The following ANO2 variants were observed in gnomAD, a reference collection of about 807,000 sequenced individuals.
ANO2 encodes the protein anoctamin-2.
Under a neutral mutation model 124.2 loss-of-function variants are expected in ANO2, and 101 were observed. The ratio of observed to expected loss-of-function variants is 0.81; its 90% CI spans 0.69 to 0.96. The LOEUF is 0.96. Ranked by LOEUF, ANO2 falls within the 40% of genes least tolerant of loss-of-function variation. The pLI is 0.00. For missense variants in ANO2, 1,293 were observed against 1,274.5 expected, an observed-to-expected ratio of 1.01 and a Z score of -0.22; for synonymous variants, 486 against 482.5, an observed-to-expected ratio of 1.01 and a Z score of -0.09.
At chr12:5,852,319 A>G (rs1954937179) in intron 4 of ANO2, among the ~76,000 whole-genome samples, 1 of 152,202 alleles carries the variant, frequency 6.6e-6, no homozygotes, top group South Asian at 2.1e-4. Flanking sequence ...ATTGAAGGGG[A>G]AAGACACAGC....
In ANO2 at chr12:5,835,998, C is replaced by T. The variant is rs12313410; in HGVS notation, c.634-3395G>A. Among the ~76,000 whole-genome samples, 1,312 of 152,276 alleles carry T rather than the reference C, an allele frequency of 8.6e-3. 18 individuals are homozygous for T. The highest frequency in any genetic ancestry group is 0.029 in the African/African-American group (1,203 of 41,540). On this transcript the variant is annotated intron_variant, in intron 4 of 24. Coordinates refer to ENST00000682330, the MANE Select transcript of ANO2 (RefSeq NM_001364791.2). ...CACGTGTCTTTAAATGGCATGTGTG[C>T]GGTAATTAGTTTCAGAGTGGGAGGG... is the stretch of plus-strand genomic sequence containing the variant.
At chr12:5,814,856 T>C (rs1953553014) in intron 7 of ANO2, among the ~76,000 whole-genome samples, 1 of 152,236 alleles carries the variant, frequency 6.6e-6, no homozygotes. Context: ...TCAAGAAACC[T>C]AAGTTCTAAA....
At chr12:5,870,925 C>A (rs921232800) in intron 3 of ANO2, among the ~76,000 whole-genome samples, 35 of 152,200 alleles carry the variant, frequency 2.3e-4, no homozygotes, top group African/African-American at 8.2e-4. Context: ...AGTTTATATT[C>A]AATAGCATAT....
chr12:5,762,852 T>A (rs1262399339), intron 10 of ANO2, among the ~76,000 whole-genome samples: 1 of 152,020 alleles, frequency 6.6e-6, no homozygotes, highest in East Asian at 1.9e-4. Context: ...TCTTCGCCTT[T>A]TAAGTTAAAC....
chr12:5,880,625 G>A (rs1202053915), intron 3 of ANO2, among the ~76,000 whole-genome samples: 2 of 152,068 alleles, frequency 1.3e-5, no homozygotes, highest in East Asian at 3.9e-4. Context: ...TGTTTCAAAT[G>A]CAATAGAAAA....
At chr12:5,927,618 G>C (rs1375909400) in intron 1 of ANO2, among the ~76,000 whole-genome samples, 2 of 152,120 alleles carry the variant, frequency 1.3e-5, no homozygotes, top group Admixed American at 6.5e-5. Context: ...TTAACCTCTG[G>C]CTCTTTTGCT....
chr12:5,675,861 G>A (rs1366133046), intron 14 of ANO2, among the ~76,000 whole-genome samples: 3 of 152,184 alleles, frequency 2.0e-5, no homozygotes, highest in Non-Finnish European at 4.4e-5. Flanking sequence ...TCAGGGCCAC[G>A]GAGAGTGGGA....
At chr12:5,620,608 T>C (rs1565484499) in intron 16 of ANO2, among the ~76,000 whole-genome samples, 1 of 152,096 alleles carries the variant, frequency 6.6e-6, no homozygotes, top group African/African-American at 2.4e-5. Context: ...AGGAGTTGAA[T>C]TGGAATTCTA....
chr12:5,849,829 G>T (rs922448039), intron 4 of ANO2, among the ~76,000 whole-genome samples: 5 of 152,028 alleles, frequency 3.3e-5, no homozygotes, highest in African/African-American at 1.2e-4. Context: ...CGCTCCCCTC[G>T]CCGCCAGGAT....
At chr12:5,791,005 C>T (rs145267342) in intron 10 of ANO2, among the ~76,000 whole-genome samples, 11 of 152,302 alleles carry the variant, frequency 7.2e-5, no homozygotes, top group African/African-American at 2.6e-4. Flanking sequence ...CTAGTCCCAT[C>T]GCTGAGGCCC....
At chr12:5,683,456 A>T (rs1362311439) in intron 14 of ANO2, among the ~76,000 whole-genome samples, 3 of 152,100 alleles carry the variant, frequency 2.0e-5, no homozygotes, top group Non-Finnish European at 4.4e-5. Context: ...TAGACAAGTG[A>T]GTTAAAAAAC....
intron 3 of ANO2, among the ~76,000 whole-genome samples, chr12:5,901,151 G>GT (rs1940177152): frequency 6.6e-6 from 1 of 152,230 alleles, no homozygotes; most frequent in Admixed American, 6.5e-5. Flanking sequence ...CAGGCAGGAA[G>GT]TAACAATGAG....
intron 7 of ANO2, among the ~76,000 whole-genome samples, chr12:5,815,376 A>G (rs1953573835): frequency 6.6e-6 from 1 of 152,234 alleles, no homozygotes; most frequent in East Asian, 1.9e-4. Flanking sequence ...TAATGCTTTG[A>G]TAATTCTTGA....
intron 19 of ANO2, among the ~76,000 whole-genome samples, chr12:5,601,875 T>C (rs1313928355): frequency 6.6e-6 from 1 of 152,228 alleles, no homozygotes; most frequent in Admixed American, 6.5e-5. Flanking sequence ...GCTGTGTGAC[T>C]GGTATCAACT....
chr12:5,849,209 C>T (rs957768015), intron 4 of ANO2, among the ~76,000 whole-genome samples: 1 of 152,142 alleles, frequency 6.6e-6, no homozygotes, highest in Non-Finnish European at 1.5e-5. Flanking sequence ...GATTTTTCAC[C>T]CATCCCAGGC....
chr12:5,938,364 T>C (rs995127587), intron 1 of ANO2, among the ~76,000 whole-genome samples: 18 of 152,228 alleles, frequency 1.2e-4, no homozygotes, highest in African/African-American at 4.3e-4. Flanking sequence ...CTGGTGCTTG[T>C]TCAGTACCTG....
chr12:5,623,968 C>T (rs1945259034), intron 16 of ANO2, among the ~76,000 whole-genome samples: 1 of 152,104 alleles, frequency 6.6e-6, no homozygotes, highest in Admixed American at 6.5e-5. Flanking sequence ...CTAGGAGAAG[C>T]CAGCCAGCTG....
chr12:5,713,815 T>C (rs892284892), intron 14 of ANO2, among the ~76,000 whole-genome samples: 1 of 152,160 alleles, frequency 6.6e-6, no homozygotes, highest in African/African-American at 2.4e-5. Context: ...GTCTACCCAA[T>C]AGGCTGAAAG....
chr12:5,739,950 C>T (rs1951030724), intron 12 of ANO2: 1 of 456,034 alleles, frequency 2.2e-6, no homozygotes, highest in Admixed American at 2.3e-5. Context: ...CTGCATGTAG[C>T]TGATAGAATA....
Sources: gnomAD v4.1 joint callset for allele counts (sites outside exome capture counted in the v4.1 genomes callset) on GRCh38, gnomAD v4.1.1 for gene constraint, MANE v1.5 for transcripts, NCBI Gene and HGNC (gene_info 2026-07-23, HGNC 2026-07-21) for gene names.